Variants in ABCB11 observed in about 807,000 individuals in gnomAD.
ABCB11 encodes the protein bile salt export pump.
Under a neutral mutation model 148.0 loss-of-function variants are expected in ABCB11, and 95 were observed. The observed-to-expected ratio is 0.64, with a 90% CI of 0.54 to 0.76. The LOEUF is 0.76. ABCB11 is among the 30% of genes least tolerant of loss of function. The pLI is 0.00. For missense variants in ABCB11, 1,523 were observed against 1,617.8 expected (o/e 0.94, Z 1.01); for synonymous variants, 591 against 555.4 (o/e 1.06, Z -0.90).
At chr2:168,974,761 T>A (rs28735569) in intron 12 of ABCB11, among the ~76,000 whole-genome samples, 86,660 of 151,590 alleles carry the variant, frequency 0.57, 25,005 homozygotes, top group East Asian at 0.72. Context: ...CTCTCCACCA[T>A]TGTAATATAA....
At position 168,996,704 on chromosome 2, in the gene ABCB11, G is replaced by A. The variant is rs183214630; in HGVS notation, c.408C>T (p.Ser136=). Residue 136 remains serine (S), a synonymous_variant, in exon 6 of 28, where the codon AGC becomes AGT. Transcript: ENST00000650372. Reference sequence around the variant, plus strand: ...AGTAACTGGCAAATTTGATCATTTCGCTCTCGATGTTCAGCAACCTTCAAA... The same window carrying A: ...AGTAACTGGCAAATTTGATCATTTCACTCTCGATGTTCAGCAACCTTCAAA... The part of the protein sequence containing the change: ...GTRCGLLNIE[S]EMIKFASYYA... The A allele has an allele frequency of 2.3e-4, 358 of 1,563,264 alleles. No homozygotes were observed. In the African/African-American group the frequency reaches 2.4e-3, roughly 11 times the overall value.
At position 168,935,207 on chromosome 2, in the gene ABCB11, C is replaced by T. The variant is rs749498678; in HGVS notation, c.3033G>A (p.Gly1011=). 3.7e-6 allele frequency: 6 copies of T among 1,613,896 alleles called. No homozygotes were observed. The South Asian group carries it at 4.4e-5, about 12-fold the overall frequency. Residue 1011 remains glycine (G), a synonymous_variant, in exon 23 of 28, where the codon GGG becomes GGA. Transcript: ENST00000650372. ...RYGGYLISNE[G]LHFSYVFRVI... ...ACCTGAACACATAGCTGAAATGGAG[C>T]CCCTCATTGGAGATTAAGTAACCTC... is the stretch of plus-strand genomic sequence containing the variant.
intron 1 of ABCB11, among the ~76,000 whole-genome samples, chr2:169,027,243 A>C (rs951545683): frequency 6.6e-6 from 1 of 152,228 alleles, no homozygotes; most frequent in Non-Finnish European, 1.5e-5. Context: ...AAGGGAATCT[A>C]AGAGTAAAAA....
intron 8 of ABCB11, among the ~76,000 whole-genome samples, chr2:168,991,246 A>G (rs918478979): frequency 3.9e-5 from 6 of 152,172 alleles, no homozygotes; most frequent in African/African-American, 1.4e-4. Context: ...ACCATGTCAT[A>G]GTTCATTGCT....
rs201481590 is a variant in ABCB11 at position 168,927,268 on chromosome 2, C to T, written c.3506G>A (p.Ser1169Asn). The change falls in exon 26 of 28, where the codon AGC (serine) becomes AAC (asparagine). Residue 1169 changes from serine to asparagine, a missense_variant. Coordinates refer to ENST00000650372, the MANE Select transcript of ABCB11 (RefSeq NM_003742.4). ...TCCATACTTGATATTGTCCATTATG[C>T]TACAGGCAAACAACACTGGTTCCTG... ...VSQEPVLFACSIMDNIKYGDN... is the reference protein window; with the variant it reads ...VSQEPVLFACNIMDNIKYGDN... 2.5e-6 allele frequency: 4 copies of T among 1,613,910 alleles called. No individual in the cohort carries two copies. The highest frequency in any genetic ancestry group is 4.5e-5 in the East Asian group (2 of 44,886).
At chr2:168,942,507 CA>C (rs3067961) in intron 21 of ABCB11, among the ~76,000 whole-genome samples, 141,986 of 149,244 alleles carry the variant, frequency 0.95, 67,902 homozygotes, top group Non-Finnish European at 1. Context: ...ACAAAGGGTG[CA>C]AAAAAAAAAA....
intron 11 of ABCB11, among the ~76,000 whole-genome samples, chr2:168,977,266 T>C (rs1279945081): frequency 1.3e-5 from 2 of 152,078 alleles, no homozygotes; most frequent in Admixed American, 6.6e-5. Flanking sequence ...AGACTGGTGA[T>C]ATGCCCATTT....
rs2105957862 is a variant in ABCB11 at position 168,969,423 on chromosome 2, C to T, written c.1938G>A (p.Arg646=). The change falls in exon 16 of 28, where the codon AGG becomes AGA. Residue 646 remains arginine (R), a synonymous_variant. Transcript: ENST00000650372. ...ERGTHEELLE[R]KGVYFTLVTL... ...TCACTAGAGTGAAGTAAACACCTTT[C>T]CTTTCCAGTAATTCTTCATGGGTCC... The T allele has an allele frequency of 6.2e-7, 1 of 1,612,636 alleles. No individual in the cohort carries two copies. The highest frequency in any genetic ancestry group is 1.1e-5 in the South Asian group (1 of 91,014).
chr2:168,999,089 AT>A (rs956797603), intron 5 of ABCB11, among the ~76,000 whole-genome samples: 1 of 151,992 alleles, frequency 6.6e-6, no homozygotes, highest in African/African-American at 2.4e-5. Flanking sequence ...ACAGAATGGC[AT>A]TTTTTTAACA....
intron 5 of ABCB11, among the ~76,000 whole-genome samples, chr2:169,011,069 A>G (rs1171619037): frequency 2.0e-5 from 3 of 152,248 alleles, no homozygotes; most frequent in African/African-American, 7.2e-5. Context: ...CCTTTTTAAT[A>G]GATGGCTATG....
At chr2:168,990,497 A>G (rs888440067) in intron 9 of ABCB11, among the ~76,000 whole-genome samples, 1 of 152,098 alleles carries the variant, frequency 6.6e-6, no homozygotes, top group African/African-American at 2.4e-5. Flanking sequence ...AGCATTATAG[A>G]CTGATATGAG....
At chr2:168,991,731 TTAAG>T (rs1426726376) in intron 8 of ABCB11, among the ~76,000 whole-genome samples, 8 of 152,104 alleles carry the variant, frequency 5.3e-5, no homozygotes, top group East Asian at 1.9e-4. Flanking sequence ...AAGATGTAAA[TTAAG>T]TAAGTATTCA....
intron 18 of ABCB11, among the ~76,000 whole-genome samples, chr2:168,958,503 A>G (rs1316364668): frequency 1.3e-5 from 2 of 151,730 alleles, no homozygotes; most frequent in Non-Finnish European, 3.0e-5. Context: ...GAAATTTTCA[A>G]TTTTTTAAAA....
chr2:168,971,295 C>G (rs1693568749), intron 14 of ABCB11, among the ~76,000 whole-genome samples: 1 of 151,986 alleles, frequency 6.6e-6, no homozygotes, highest in Non-Finnish European at 1.5e-5. Flanking sequence ...CGTGTTAACC[C>G]TTTATAATAA....
At chr2:169,030,241 C>T (rs1375639864) in intron 1 of ABCB11, among the ~76,000 whole-genome samples, 1 of 152,040 alleles carries the variant, frequency 6.6e-6, no homozygotes, top group Non-Finnish European at 1.5e-5. Flanking sequence ...AAAAATTATT[C>T]AAGGGGCTTG....
At position 168,920,878 on chromosome 2, in the gene ABCB11, C is replaced by A. The variant is rs1691055139; in HGVS notation, c.*2744G>T. ...CTCAATTATTTCCCCAATTTCAAGC[C>A]CTCTTTAGACAATCTTTTCCCTGTC... On this transcript the variant is annotated 3_prime_UTR_variant, in exon 28 of 28. Transcript: ENST00000650372. Among the ~76,000 whole-genome samples the A allele has an allele frequency of 6.6e-6, 1 of 152,086 alleles. No individual in the cohort carries two copies. The highest frequency in any genetic ancestry group is 1.5e-5 in the Non-Finnish European group (1 of 68,020).
chr2:168,955,800 A>G (rs1229251209), intron 19 of ABCB11, among the ~76,000 whole-genome samples: 1 of 151,678 alleles, frequency 6.6e-6, no homozygotes, highest in Non-Finnish European at 1.5e-5. Context: ...AGCCTGTAAA[A>G]TCAAAAATAA....
chr2:168,979,638 C>T (rs1694060576), intron 11 of ABCB11, among the ~76,000 whole-genome samples: 1 of 139,926 alleles, frequency 7.1e-6, no homozygotes, highest in South Asian at 2.2e-4. Flanking sequence ...TGCCACTGCA[C>T]TCCAGCCTGG....
intron 5 of ABCB11, among the ~76,000 whole-genome samples, chr2:169,012,910 G>T (rs189128325): frequency 6.6e-6 from 1 of 152,118 alleles, no homozygotes; most frequent in Non-Finnish European, 1.5e-5. Flanking sequence ...GAGGGGAGTT[G>T]GTGGGGGGGA....
Sources: allele counts gnomAD v4.1 joint callset (sites outside exome capture counted in the v4.1 genomes callset), GRCh38; gene constraint gnomAD v4.1.1; transcripts MANE v1.5; gene names NCBI Gene and HGNC (gene_info 2026-07-23, HGNC 2026-07-21).